The following XPR1 variants were observed in gnomAD, a reference collection of about 807,000 sequenced individuals.
The protein encoded by XPR1 is xenotropic and polytropic retrovirus receptor 1, also known as solute carrier family 53 member 1.
In XPR1, 28 loss-of-function variants were observed where a neutral mutation model predicts 87.5. The observed-to-expected ratio is 0.32, with a 90% CI of 0.24 to 0.44. The LOEUF (loss-of-function observed/expected upper bound fraction) is 0.44. Ranked by LOEUF, XPR1 falls within the 20% of genes least tolerant of loss-of-function variation. The probability of loss-of-function intolerance (pLI) is 1.00; values close to 1 mark genes in which losing one functional copy is unlikely to be tolerated. For missense variants in XPR1, 559 were observed against 862.3 expected, an observed-to-expected ratio of 0.65 and a Z score of 4.41; for synonymous variants, 300 against 306.1, an observed-to-expected ratio of 0.98 and a Z score of 0.21.
At chr1:180,779,450 C>G (rs765422428) in intron 2 of XPR1, among the ~76,000 whole-genome samples, 1 of 152,084 alleles carries the variant, frequency 6.6e-6, no homozygotes, top group Non-Finnish European at 1.5e-5. Context: ...ATAAAATTCA[C>G]TCTTTTAAAG....
Position 180,830,475 on chromosome 1 carries a change from G to A in XPR1, c.1135-4399G>A, listed in dbSNP as rs965201631. Among the ~76,000 whole-genome samples, 4 of 152,114 alleles carry A rather than the reference G, an allele frequency of 2.6e-5. No individual in the cohort carries two copies. The East Asian group carries it at 5.8e-4, about 22-fold the overall frequency. On this transcript the variant is annotated intron_variant, in intron 9 of 14. Coordinates refer to ENST00000367590, the MANE Select transcript of XPR1 (RefSeq NM_004736.4). ...GACATCCAGGATTGAGTCATAATGT[G>A]ACCATTTATCTCCCTGACATAATAA...
chr1:180,638,838 A>G (rs913021151), intron 1 of XPR1, among the ~76,000 whole-genome samples: 2 of 152,154 alleles, frequency 1.3e-5, no homozygotes, highest in Non-Finnish European at 1.5e-5. Context: ...TTGTAATACA[A>G]ATAAATCTTG....
chr1:180,719,116 A>T (rs1408813238), intron 2 of XPR1, among the ~76,000 whole-genome samples: 1 of 152,234 alleles, frequency 6.6e-6, no homozygotes, highest in Non-Finnish European at 1.5e-5. Context: ...ATTTTGAATG[A>T]TCTGCATTTG....
At chr1:180,686,597 C>G (rs973853035) in intron 2 of XPR1, among the ~76,000 whole-genome samples, 3 of 152,046 alleles carry the variant, frequency 2.0e-5, no homozygotes, top group African/African-American at 7.3e-5. Flanking sequence ...GTTAAAGTCT[C>G]CCATTGCTGG....
intron 4 of XPR1, 79 bp downstream of exon 4, chr1:180,803,690 T>TA (rs1345554433): frequency 2.0e-5 from 25 of 1,249,694 alleles, no homozygotes; most frequent in Non-Finnish European, 2.8e-5. Context: ...CCTAAAGTAT[T>TA]ACCAGTGGGT....
chr1:180,813,856 T>G lies in XPR1; in HGVS notation c.763+2368T>G, dbSNP rs187374794. The stretch of plus-strand genomic sequence containing the variant: ...GCTGGTGCAAAAGTTGCCATTACTT[T>G]TAATGGCAAAACTGCAATTACTTTT... On this transcript the variant is annotated intron_variant, in intron 7 of 14. Transcript: ENST00000367590. Among the ~76,000 whole-genome samples the G allele has an allele frequency of 2.6e-5, 4 of 152,304 alleles. 1 individual carries two copies. Among genetic ancestry groups the G allele is most frequent in the Admixed American group, 1.3e-4 (2 of 15,302 alleles).
rs1357240875 is a variant in XPR1 at position 180,884,897 on chromosome 1, T to C, written c.*831T>C. The C allele has an allele frequency of 6.6e-6, 1 of 152,376 alleles. No individual in the cohort carries two copies. The highest frequency in any genetic ancestry group is 1.5e-5 in the Non-Finnish European group (1 of 68,044). 9.4% of individuals were successfully genotyped at this position (152,376 alleles called of 1,614,324 possible). A position where few individuals can be genotyped will look rare whatever the true frequency, so the allele number is the denominator to read the frequency against. On this transcript the variant is annotated 3_prime_UTR_variant, in exon 15 of 15. Coordinates refer to ENST00000367590, the MANE Select transcript of XPR1 (RefSeq NM_004736.4). ...AAAGTTTCATTGCTAACTTCTTAAG[T>C]TGCTGCTGCTTTAGAGTCCTGAGCA...
At chr1:180,712,872 T>C (rs777120823) in intron 2 of XPR1, among the ~76,000 whole-genome samples, 6 of 151,496 alleles carry the variant, frequency 4.0e-5, no homozygotes, top group Non-Finnish European at 8.8e-5. Flanking sequence ...TGTAGGTCTA[T>C]TTCTTGATTA....
Position 180,834,918 on chromosome 1 carries a change from T to C in XPR1, c.1179T>C (p.Asp393=). The C allele has an allele frequency of 1.2e-6, 2 of 1,614,004 alleles. No individual in the cohort carries two copies. Among genetic ancestry groups the C allele is most frequent in the Non-Finnish European group, 1.7e-6 (2 of 1,179,958 alleles). Residue 393 remains aspartate, a synonymous_variant, in exon 10 of 15, where the codon GAT becomes GAC. Transcript: ENST00000367590. ...TAPFHKVGFA[D]FWLADQLNSL... ...CCTTCCATAAGGTAGGCTTTGCTGATTTCTGGCTGGCGGATCAGCTGAACA... is the reference window on the plus strand; with the variant it reads ...CCTTCCATAAGGTAGGCTTTGCTGACTTCTGGCTGGCGGATCAGCTGAACA...
At chr1:180,751,252 T>C (rs1647525717) in intron 2 of XPR1, among the ~76,000 whole-genome samples, 1 of 151,926 alleles carries the variant, frequency 6.6e-6, no homozygotes, top group Non-Finnish European at 1.5e-5. Flanking sequence ...TTTTATACTT[T>C]TCAACCCACA....
chr1:180,635,021 C>A (rs931019293), intron 1 of XPR1, among the ~76,000 whole-genome samples: 8 of 151,958 alleles, frequency 5.3e-5, no homozygotes, highest in Admixed American at 2.0e-4. Context: ...CTTTTAATGG[C>A]TTTTATTCCT....
At chr1:180,801,832 G>A (rs1035717569) in intron 3 of XPR1, among the ~76,000 whole-genome samples, 6 of 151,178 alleles carry the variant, frequency 4.0e-5, no homozygotes, top group South Asian at 4.2e-4. Context: ...CCAGGCTGGA[G>A]TGCAGTGGCA....
chr1:180,797,239 T>A (rs1435668665), intron 3 of XPR1, among the ~76,000 whole-genome samples: 1 of 152,200 alleles, frequency 6.6e-6, no homozygotes, highest in Non-Finnish European at 1.5e-5. Context: ...ACTGTTACCT[T>A]TAGAGTTCAG....
At chr1:180,755,684 T>G (rs1647709586) in intron 2 of XPR1, among the ~76,000 whole-genome samples, 1 of 152,384 alleles carries the variant, frequency 6.6e-6, no homozygotes, top group South Asian at 2.1e-4. Context: ...TATGTATTTC[T>G]TAACCTTTAA....
intron 7 of XPR1, among the ~76,000 whole-genome samples, chr1:180,813,285 A>G (rs1650290860): frequency 1.3e-5 from 2 of 152,156 alleles, no homozygotes; most frequent in African/African-American, 4.8e-5. Context: ...GAGCCTCTGC[A>G]GTTGCCTAAA....
At chr1:180,727,387 G>C (rs527320622) in intron 2 of XPR1, among the ~76,000 whole-genome samples, 14 of 152,142 alleles carry the variant, frequency 9.2e-5, no homozygotes, top group Admixed American at 2.0e-4. Context: ...TGTCACGCTT[G>C]TAATCCAGCA....
chr1:180,705,547 G>C (rs955337838), intron 2 of XPR1, among the ~76,000 whole-genome samples: 27 of 152,042 alleles, frequency 1.8e-4, no homozygotes, highest in South Asian at 6.2e-4. Flanking sequence ...TCCTCACAAA[G>C]GAATCTTTTG....
chr1:180,784,233 T>C (rs1649050772), intron 2 of XPR1, among the ~76,000 whole-genome samples: 1 of 152,076 alleles, frequency 6.6e-6, no homozygotes, highest in Non-Finnish European at 1.5e-5. Context: ...CATTTATCAT[T>C]ACCATTGCCA....
chr1:180,852,214 T>A (rs1372071522), intron 11 of XPR1, among the ~76,000 whole-genome samples: 1 of 152,162 alleles, frequency 6.6e-6, no homozygotes, highest in East Asian at 1.9e-4. Context: ...GGTTTTTTTT[T>A]AATTAAACAT....
Sources: gnomAD v4.1 joint callset for allele counts (sites outside exome capture counted in the v4.1 genomes callset) on GRCh38, gnomAD v4.1.1 for gene constraint, MANE v1.5 for transcripts, NCBI Gene and HGNC (gene_info 2026-07-23, HGNC 2026-07-21) for gene names.